PRDM11: variants seen among roughly 807,000 people sequenced by gnomAD.
The protein encoded by PRDM11 is PR domain-containing protein 11.
In PRDM11, 20 loss-of-function variants were observed where a neutral mutation model predicts 97.8. The observed-to-expected ratio is 0.20, with a 90% CI of 0.14 to 0.30. The LOEUF is 0.30. PRDM11 is among the 10% of genes least tolerant of loss of function. The probability of loss-of-function intolerance (pLI) is 1.00; values close to 1 mark genes in which losing one functional copy is unlikely to be tolerated. For synonymous variants in PRDM11, 599 were observed against 637.7 expected (o/e 0.94, Z 0.91); for missense variants, 1,139 against 1,555.2 (o/e 0.73, Z 4.50).
chr11:45,150,743 A>G (rs1005707354), intron 1 of PRDM11, among the ~76,000 whole-genome samples: 1 of 152,204 alleles, frequency 6.6e-6, no homozygotes. Flanking sequence ...TATATGATTC[A>G]GTGAAGGGGC....
In PRDM11 at chr11:45,230,487, CTG is replaced by C. The variant is rs1434407933; in HGVS notation, c.*2331_*2332del. The stretch of plus-strand genomic sequence containing the variant: ...TCCTCCCATCAGGGTCAAAACCTAA[CTG>C]TGGTCAAATGGGATGCTGTTGCAAA... On this transcript the variant is annotated 3_prime_UTR_variant, in exon 8 of 8. Coordinates refer to ENST00000683152, the MANE Select transcript of PRDM11 (RefSeq NM_001384648.1). The C allele has an allele frequency of 6.6e-6, 1 of 152,282 alleles. No homozygotes were observed. The highest frequency in any genetic ancestry group is 1.5e-5 in the Non-Finnish European group (1 of 68,078). 9.4% of individuals were successfully genotyped at this position (152,282 alleles called of 1,614,324 possible). A position where few individuals can be genotyped will look rare whatever the true frequency, so the allele number is the denominator to read the frequency against.
At chr11:45,199,824 C>T (rs1159732338) in intron 4 of PRDM11, among the ~76,000 whole-genome samples, 1 of 148,104 alleles carries the variant, frequency 6.8e-6, no homozygotes, top group African/African-American at 2.7e-5. Context: ...GAGATCCTGC[C>T]TGCCCTGCAC....
chr11:45,205,704 T>G (rs573850257), intron 5 of PRDM11, among the ~76,000 whole-genome samples: 1 of 151,984 alleles, frequency 6.6e-6, no homozygotes, highest in South Asian at 2.1e-4. Context: ...TAAAAAGGAG[T>G]GTGCTGTCTT....
At chr11:45,194,820 G>A (rs184564176) in intron 4 of PRDM11, among the ~76,000 whole-genome samples, 3 of 151,476 alleles carry the variant, frequency 2.0e-5, no homozygotes, top group South Asian at 2.1e-4. Flanking sequence ...GGATGGTCTC[G>A]ATCTCCTGAC....
intron 1 of PRDM11, 75 bp from the exon 2 acceptor site, chr11:45,181,686 C>T (rs1384907679): frequency 9.3e-6 from 12 of 1,284,186 alleles, no homozygotes; most frequent in Non-Finnish European, 1.3e-5. Context: ...CCCCACTTGC[C>T]CTCTCCGCCG....
chr11:45,160,896 G>A (rs1374752193), intron 1 of PRDM11, among the ~76,000 whole-genome samples: 2 of 152,172 alleles, frequency 1.3e-5, no homozygotes, highest in Non-Finnish European at 2.9e-5. Flanking sequence ...TCAGAGAGTT[G>A]AAAACAGTGG....
At chr11:45,121,091 A>G (rs1590352571) in intron 1 of PRDM11, among the ~76,000 whole-genome samples, 1 of 152,210 alleles carries the variant, frequency 6.6e-6, no homozygotes, top group East Asian at 1.9e-4. Flanking sequence ...AAAGGCAGGA[A>G]AGGAGGAATT....
At chr11:45,163,205 G>T (rs934600883) in intron 1 of PRDM11, among the ~76,000 whole-genome samples, 3 of 152,206 alleles carry the variant, frequency 2.0e-5, no homozygotes, top group African/African-American at 7.2e-5. Flanking sequence ...CAAAACCAGG[G>T]GAGCCAGAGG....
upstream of PRDM11, among the ~76,000 whole-genome samples, chr11:45,146,144 T>A (rs1484837001): frequency 1.3e-5 from 2 of 152,172 alleles, no homozygotes; most frequent in African/African-American, 4.8e-5. Flanking sequence ...GCGGGACGCC[T>A]GCGTCTCGCA....
In PRDM11 at chr11:45,228,096, G is replaced by A. The variant is rs754168593; in HGVS notation, c.3471G>A (p.Ala1157=). Residue 1157 remains alanine, a synonymous_variant, in exon 8 of 8, where the codon GCG becomes GCA. Coordinates refer to ENST00000683152, the MANE Select transcript of PRDM11 (RefSeq NM_001384648.1). ...LSAEVLSRMS[A]LEQKPALQTM... is the part of the protein sequence containing the mutation. ...CAGAAGTCCTCAGTAGGATGTCTGC[G>A]CTGGAGCAGAAGCCAGCACTACAGA... 78 of 1,533,650 alleles carry A rather than the reference G, an allele frequency of 5.1e-5. No individual in the cohort carries two copies. The highest frequency in any genetic ancestry group is 6.0e-5 in the Non-Finnish European group (69 of 1,146,716).
At chr11:45,221,950 T>C (rs1285815747) in intron 6 of PRDM11, among the ~76,000 whole-genome samples, 3 of 152,164 alleles carry the variant, frequency 2.0e-5, no homozygotes, top group Non-Finnish European at 2.9e-5. Flanking sequence ...GCCCAATCAC[T>C]CTTGGTCTTA....
chr11:45,111,897 G>A (rs1236200809), intron 1 of PRDM11, among the ~76,000 whole-genome samples: 2 of 152,082 alleles, frequency 1.3e-5, no homozygotes, highest in Non-Finnish European at 2.9e-5. Context: ...ACTGTACAAT[G>A]GGAGACTATG....
At chr11:45,172,258 T>G (rs1852219948) in intron 1 of PRDM11, among the ~76,000 whole-genome samples, 1 of 152,240 alleles carries the variant, frequency 6.6e-6, no homozygotes, top group Admixed American at 6.5e-5. Context: ...AGCACCTTGC[T>G]GTGTTCACTA....
chr11:45,221,936 C>T (rs984179406), intron 6 of PRDM11, among the ~76,000 whole-genome samples: 2 of 152,172 alleles, frequency 1.3e-5, no homozygotes, highest in African/African-American at 4.8e-5. Context: ...GGGAGATCCC[C>T]TATGCCCAAT....
chr11:45,205,720 C>T (rs1057161818), intron 5 of PRDM11, among the ~76,000 whole-genome samples: 3 of 152,110 alleles, frequency 2.0e-5, no homozygotes, highest in Non-Finnish European at 1.5e-5. Flanking sequence ...GTCTTAAACT[C>T]GGAGACTTTC....
chr11:45,137,399 C>G (rs1852887867), intron 1 of PRDM11, among the ~76,000 whole-genome samples: 1 of 138,974 alleles, frequency 7.2e-6, no homozygotes, highest in African/African-American at 2.7e-5. Flanking sequence ...CAGCACTGCA[C>G]TCCAGCCTGA....
chr11:45,207,087 T>C (rs1169780885), intron 5 of PRDM11, among the ~76,000 whole-genome samples: 8 of 152,232 alleles, frequency 5.3e-5, no homozygotes, highest in Admixed American at 4.6e-4. Flanking sequence ...TCTCATCTTA[T>C]GACCACTCAA....
At chr11:45,206,859 A>G (rs951753418) in intron 5 of PRDM11, among the ~76,000 whole-genome samples, 3 of 152,230 alleles carry the variant, frequency 2.0e-5, no homozygotes, top group African/African-American at 7.2e-5. Context: ...TAGCAGAATC[A>G]GGATTTGAAC....
At chr11:45,143,163 T>C (rs1202749114), upstream of PRDM11, among the ~76,000 whole-genome samples, 1 of 152,212 alleles carries the variant, frequency 6.6e-6, no homozygotes, top group Non-Finnish European at 1.5e-5. Context: ...TAAATCCTTA[T>C]TGAAATTTTG....
Sources: allele counts gnomAD v4.1 joint callset (sites outside exome capture counted in the v4.1 genomes callset), GRCh38; gene constraint gnomAD v4.1.1; transcripts MANE v1.5; gene names NCBI Gene and HGNC (gene_info 2026-07-23, HGNC 2026-07-21).